Variants in CCDC15 observed in about 807,000 individuals in gnomAD.
CCDC15 encodes the protein coiled-coil domain containing 15, also known as coiled-coil domain-containing protein 15.
CCDC15 carries 105 observed loss-of-function variants against 114.5 expected under a neutral mutation model. That is an observed-to-expected ratio of 0.92 (90% CI 0.78 to 1.08). The LOEUF is 1.08. Ranked by LOEUF, CCDC15 falls within the 50% of genes least tolerant of loss-of-function variation. The probability of loss-of-function intolerance (pLI) is 0.00; values close to 1 mark genes in which losing one functional copy is unlikely to be tolerated. For synonymous variants in CCDC15, 334 were observed against 377.8 expected, an observed-to-expected ratio of 0.88 and a Z score of 1.34; for missense variants, 1,105 against 1,093.6, an observed-to-expected ratio of 1.01 and a Z score of -0.15.
intron 8 of CCDC15, among the ~76,000 whole-genome samples, chr11:124,990,212 G>C (rs1948244859): frequency 6.6e-6 from 1 of 152,166 alleles, no homozygotes; most frequent in South Asian, 2.1e-4. Flanking sequence ...GGAGAGGTAG[G>C]GGGGTGGCCA....
intron 1 of CCDC15, 86 bp downstream of exon 1, chr11:124,954,456 G>A: frequency 6.8e-6 from 2 of 294,144 alleles, no homozygotes; most frequent in Non-Finnish European, 1.3e-5. Flanking sequence ...GACAGTCTTC[G>A]TTCTCTCATT....
intron 4 of CCDC15, among the ~76,000 whole-genome samples, chr11:124,968,438 C>G (rs1947822066): frequency 6.6e-6 from 1 of 152,190 alleles, no homozygotes; most frequent in Non-Finnish European, 1.5e-5. Flanking sequence ...GAGCAAGGCT[C>G]TGTGGGTGTG....
intron 13 of CCDC15, among the ~76,000 whole-genome samples, chr11:125,013,857 G>C (rs1948612099): frequency 6.6e-6 from 1 of 152,176 alleles, no homozygotes; most frequent in Admixed American, 6.6e-5. Flanking sequence ...GTTTCAGCAT[G>C]ACATTGGATA....
At chr11:125,026,404 GC>G (rs1948702753) in intron 13 of CCDC15, among the ~76,000 whole-genome samples, 1 of 152,184 alleles carries the variant, frequency 6.6e-6, no homozygotes, top group African/African-American at 2.4e-5. Flanking sequence ...CTCCCTCCAT[GC>G]CATGTGGCTT....
intron 9 of CCDC15, 34 bp from the exon 10 acceptor site, chr11:124,992,546 G>T (rs1337770476): frequency 2.3e-6 from 3 of 1,307,526 alleles, no homozygotes; most frequent in Admixed American, 2.0e-5. Context: ...TTTTTTTTCT[G>T]TTGTTGTTTT....
chr11:124,971,164 CAG>C (rs1947873458), intron 4 of CCDC15, among the ~76,000 whole-genome samples: 1 of 151,982 alleles, frequency 6.6e-6, no homozygotes, highest in Non-Finnish European at 1.5e-5. Flanking sequence ...CTCTAGGGGT[CAG>C]TGCAAGCAAA....
At position 124,972,963 on chromosome 11, in the gene CCDC15, C is replaced by G. The variant is rs77397065; in HGVS notation, c.517-2133C>G. Among the ~76,000 whole-genome samples the G allele has an allele frequency of 4.4e-3, 673 of 152,244 alleles. 4 individuals are homozygous for G. Among genetic ancestry groups the G allele is most frequent in the African/African-American group, 0.015 (628 of 41,554 alleles). ...CTTAACTTAATCACATTTGCAAAGGCCCTTTTTTCTTATAAAGTAATATTT... is the reference window on the plus strand; with the variant it reads ...CTTAACTTAATCACATTTGCAAAGGGCCTTTTTTCTTATAAAGTAATATTT... On this transcript the variant is annotated intron_variant, in intron 4 of 15. Coordinates refer to ENST00000344762, the MANE Select transcript of CCDC15 (RefSeq NM_025004.3).
chr11:124,955,802 T>C (rs934621727), intron 2 of CCDC15, among the ~76,000 whole-genome samples: 1 of 152,238 alleles, frequency 6.6e-6, no homozygotes, highest in African/African-American at 2.4e-5. Context: ...TGCACATATG[T>C]ATGTATATTC....
At chr11:124,975,256 T>C in intron 5 of CCDC15, 47 bp downstream of exon 5, 2 of 1,150,690 alleles carry the variant, frequency 1.7e-6, no homozygotes, top group Non-Finnish European at 2.4e-6. Flanking sequence ...AGGTAAAAAA[T>C]ACAGATAAAG....
At chr11:124,973,876 G>A (rs1438438743) in intron 4 of CCDC15, among the ~76,000 whole-genome samples, 1 of 152,148 alleles carries the variant, frequency 6.6e-6, no homozygotes, top group African/African-American at 2.4e-5. Flanking sequence ...CCAATGAGTG[G>A]ATTAGTAGCG....
intron 4 of CCDC15, among the ~76,000 whole-genome samples, chr11:124,966,475 G>GT (rs200761892): frequency 0.21 from 30,397 of 145,726 alleles, 3,608 homozygotes; most frequent in African/African-American, 0.34. Flanking sequence ...TTTTTTTTTT[G>GT]TTTGTTTTCC....
intron 6 of CCDC15, among the ~76,000 whole-genome samples, chr11:124,980,160 AT>A (rs1948044740): frequency 6.6e-6 from 1 of 152,028 alleles, no homozygotes; most frequent in African/African-American, 2.4e-5. Context: ...GCACTGCTGG[AT>A]TTGGTTTGCT....
chr11:124,996,419 G>A (rs1398844119), intron 11 of CCDC15, among the ~76,000 whole-genome samples: 1 of 152,034 alleles, frequency 6.6e-6, no homozygotes, highest in Non-Finnish European at 1.5e-5. Context: ...TTCTCTTCAA[G>A]CCCCACCAGC....
chr11:124,989,782 A>G (rs923715359), intron 8 of CCDC15, among the ~76,000 whole-genome samples: 2 of 152,036 alleles, frequency 1.3e-5, no homozygotes, highest in Non-Finnish European at 2.9e-5. Flanking sequence ...TTTCTTCTGT[A>G]GTTTTTTCAC....
Position 125,034,161 on chromosome 11 carries a change from G to A in CCDC15, c.2412-4270G>A, listed in dbSNP as rs574338547. ...CCCCTCAGACAAAGGTGGAAAGGTTGATAGGAATGTGGGTCGGGGAGGGGA... is the reference window on the plus strand; with the variant it reads ...CCCCTCAGACAAAGGTGGAAAGGTTAATAGGAATGTGGGTCGGGGAGGGGA... On this transcript the variant is annotated intron_variant, in intron 13 of 15. Coordinates refer to ENST00000344762, the MANE Select transcript of CCDC15 (RefSeq NM_025004.3). Among the ~76,000 whole-genome samples the A allele has an allele frequency of 6.0e-4, 91 of 152,324 alleles. No individual in the cohort carries two copies. In the South Asian group the frequency reaches 6.8e-3, roughly 11 times the overall value.
At chr11:124,957,120 A>G (rs1591564779) in intron 2 of CCDC15, among the ~76,000 whole-genome samples, 1 of 152,330 alleles carries the variant, frequency 6.6e-6, no homozygotes, top group East Asian at 1.9e-4. Flanking sequence ...AGTGGTATAA[A>G]GCAAATAATA....
At chr11:124,985,337 T>C (rs1197771081) in intron 6 of CCDC15, among the ~76,000 whole-genome samples, 2 of 152,230 alleles carry the variant, frequency 1.3e-5, no homozygotes, top group Non-Finnish European at 2.9e-5. Context: ...CATTTTTGTG[T>C]GGACATTCAT....
chr11:124,987,400 A>T lies in CCDC15; in HGVS notation c.1174A>T (p.Met392Leu). 2 of 1,614,046 alleles carry T rather than the reference A, an allele frequency of 1.2e-6. No homozygotes were observed. The highest frequency in any genetic ancestry group is 1.7e-6 in the Non-Finnish European group (2 of 1,179,908). The change falls in exon 8 of 16, where the codon ATG becomes TTG. Residue 392 changes from methionine to leucine, a missense_variant. Coordinates refer to ENST00000344762, the MANE Select transcript of CCDC15 (RefSeq NM_025004.3). The part of the protein sequence containing the change: ...QPIKTETQGI[M>L]LKAQSIELEE... The stretch of plus-strand genomic sequence containing the variant: ...TATTAAGACAGAAACTCAGGGTATT[A>T]TGCTGAAAGCCCAGAGTATTGAGCT...
chr11:125,038,890 C>A, intron 14 of CCDC15, 31 bp from the exon 15 acceptor site: 1 of 1,589,100 alleles, frequency 6.3e-7, no homozygotes, highest in Non-Finnish European at 8.6e-7. Context: ...TTTAATAGTT[C>A]ACTTTGCCTG....
Sources: allele counts gnomAD v4.1 joint callset (sites outside exome capture counted in the v4.1 genomes callset), GRCh38; gene constraint gnomAD v4.1.1; transcripts MANE v1.5; gene names NCBI Gene and HGNC (gene_info 2026-07-23, HGNC 2026-07-21).